NXN: variants seen among roughly 807,000 people sequenced by gnomAD.
The protein encoded by NXN is nucleoredoxin, also known as nucleoredoxin 1.
Under a neutral mutation model 48.6 loss-of-function variants are expected in NXN, and 16 were observed. The observed-to-expected ratio is 0.33, with a 90% CI of 0.22 to 0.50. NXN has a LOEUF of 0.50. NXN is among the 20% of genes least tolerant of loss of function. NXN has a pLI of 0.98. For missense variants in NXN, 492 were observed against 605.5 expected (o/e 0.81, Z 1.97); for synonymous variants, 281 against 269.6 (o/e 1.04, Z -0.41).
chr17:962,824 C>G (rs1424086186), intron 1 of NXN, among the ~76,000 whole-genome samples: 4 of 152,168 alleles, frequency 2.6e-5, no homozygotes, highest in African/African-American at 9.7e-5. Context: ...CTCAGCTTAT[C>G]CAAACGGCAG....
intron 1 of NXN, among the ~76,000 whole-genome samples, chr17:965,609 C>T (rs1290524591): frequency 1.3e-5 from 2 of 152,162 alleles, no homozygotes; most frequent in East Asian, 3.9e-4. Context: ...AACTGACTAA[C>T]AGACTCCTCC....
intron 1 of NXN, chr17:863,812 T>C (rs952361978): frequency 2.7e-6 from 2 of 734,842 alleles, no homozygotes; most frequent in South Asian, 1.8e-5. Flanking sequence ...CACATACAAA[T>C]GGACCCTTGC....
chr17:971,746 C>T (rs951821485), intron 1 of NXN, among the ~76,000 whole-genome samples: 1 of 152,076 alleles, frequency 6.6e-6, no homozygotes, highest in African/African-American at 2.4e-5. Flanking sequence ...ACAAAGATTC[C>T]AAATTCATAG....
In NXN at chr17:972,834, A is replaced by G. The variant is rs144312724; in HGVS notation, c.360+6485T>C. On this transcript the variant is annotated intron_variant, in intron 1 of 7. Coordinates refer to ENST00000336868, the MANE Select transcript of NXN (RefSeq NM_022463.5). Reference sequence around the variant, plus strand: ...ATCACGAGGTCAGGAGATCGAGACCATCATGGCTAACACGGTGAAACCCCG... The same window carrying G: ...ATCACGAGGTCAGGAGATCGAGACCGTCATGGCTAACACGGTGAAACCCCG... Among the ~76,000 whole-genome samples, 509 of 152,276 alleles carry G rather than the reference A, an allele frequency of 3.3e-3. 3 individuals carry two copies. The highest frequency in any genetic ancestry group is 0.012 in the African/African-American group (483 of 41,570).
intron 1 of NXN, among the ~76,000 whole-genome samples, chr17:974,109 G>A (rs1158491426): frequency 1.3e-5 from 2 of 151,734 alleles, no homozygotes; most frequent in African/African-American, 4.8e-5. Flanking sequence ...CAGCACTTTG[G>A]GAGGCTGAGC....
chr17:927,580 C>CAAAAAAAAAA (rs71371593), intron 1 of NXN, among the ~76,000 whole-genome samples: 1 of 117,630 alleles, frequency 8.5e-6, no homozygotes, highest in South Asian at 2.9e-4. Flanking sequence ...AACCTTGTCT[C>CAAAAAAAAAA]AAAAAAAAAA....
At chr17:805,020 T>TCCCCCCC in intron 6 of NXN, 48 bp downstream of exon 6, 1 of 1,512,884 alleles carries the variant, frequency 6.6e-7, no homozygotes, top group African/African-American at 1.4e-5. Context: ...GCCCCTCCTG[T>TCCCCCCC]CCCGCCCCCC....
intron 1 of NXN, among the ~76,000 whole-genome samples, chr17:838,126 C>CTTTTTTTTTTT (rs66721481): frequency 1.4e-4 from 14 of 99,188 alleles, no homozygotes; most frequent in Admixed American, 2.5e-4. Context: ...TCCTTTCCTT[C>CTTTTTTTTTTT]TTTTTTTTTT....
chr17:907,018 C>T (rs1237867897), intron 1 of NXN, among the ~76,000 whole-genome samples: 1 of 150,128 alleles, frequency 6.7e-6, no homozygotes, highest in African/African-American at 2.4e-5. Context: ...CCCAGAGGCA[C>T]AAAAACAGCG....
Position 849,596 on chromosome 17 carries a change from C to T in NXN, c.361-23518G>A, listed in dbSNP as rs997836739. Reference sequence around the variant, plus strand: ...AGGGCACCGCACTGGCCCTCTCAGCCTCAGGGGCCGCTGGACTCCCTCTTC... The same window carrying T: ...AGGGCACCGCACTGGCCCTCTCAGCTTCAGGGGCCGCTGGACTCCCTCTTC... On this transcript the variant is annotated intron_variant, in intron 1 of 7. Coordinates refer to ENST00000336868, the MANE Select transcript of NXN (RefSeq NM_022463.5). This position sits in a 1 kb window ranked among gnomAD's most constrained non-coding sequence, Gnocchi z 4.2. Among the ~76,000 whole-genome samples, 1 of 152,178 alleles carries T rather than the reference C, an allele frequency of 6.6e-6. No homozygotes were observed.
rs967998387 is a variant in NXN, at chr17:919,161, G to A, written c.360+60158C>T. Among the ~76,000 whole-genome samples, 2 of 152,012 alleles carry A rather than the reference G, an allele frequency of 1.3e-5. No homozygotes were observed. The highest frequency in any genetic ancestry group is 2.9e-5 in the Non-Finnish European group (2 of 67,994). ...GGGTGGATCACGAGGTCAGGAGATC[G>A]AGACCATCCTGGCTAACATGGTGAA... On this transcript the variant is annotated intron_variant, in intron 1 of 7. Transcript: ENST00000336868. This position sits in a 1 kb window ranked among gnomAD's most constrained non-coding sequence, Gnocchi z 5.1.
chr17:812,530 T>TC (rs1912130616), intron 5 of NXN, among the ~76,000 whole-genome samples: 1 of 152,086 alleles, frequency 6.6e-6, no homozygotes, highest in South Asian at 2.1e-4. Flanking sequence ...GACCAGACAC[T>TC]CCAACAGCCA....
Position 979,448 on chromosome 17 carries a change from C to G in NXN, c.231G>C (p.Ala77=), listed in dbSNP as rs1260421716. The part of the protein sequence containing the change: ...GPGPGAGAGA[A]AEPEPRRRLE... ...GGCGCCGCCGCGGCTCGGGCTCCGC[C>G]GCCGCCCCGGCCCCCGCTCCCGGCC... Residue 77 remains alanine (A), a synonymous_variant, in exon 1 of 8, where the codon GCG becomes GCC. Transcript: ENST00000336868. The G allele has an allele frequency of 8.0e-7, 1 of 1,249,412 alleles. No individual in the cohort carries two copies. The highest frequency in any genetic ancestry group is 1.0e-6 in the Non-Finnish European group (1 of 987,032). The allele number at this position is 1,249,412 out of a possible 1,614,324, so 77.4% of individuals were successfully genotyped here. A position where few individuals can be genotyped will look rare whatever the true frequency, so the allele number is the denominator to read the frequency against.
At chr17:834,190 G>A (rs1272047748) in intron 1 of NXN, among the ~76,000 whole-genome samples, 1 of 152,152 alleles carries the variant, frequency 6.6e-6, no homozygotes, top group Non-Finnish European at 1.5e-5. Flanking sequence ...AGGCGTGGTG[G>A]CCACTCCTGT....
chr17:926,279 C>T (rs367711481), intron 1 of NXN, among the ~76,000 whole-genome samples: 8 of 152,252 alleles, frequency 5.3e-5, no homozygotes, highest in African/African-American at 1.2e-4. Context: ...CTCAACCTCC[C>T]GGGCTCAAGC....
At chr17:959,029 G>C (rs547286066) in intron 1 of NXN, 59 of 258,840 alleles carry the variant, frequency 2.3e-4, no homozygotes, top group Non-Finnish European at 3.9e-4. Flanking sequence ...CGGAGCCGAG[G>C]GACCATGGTG....
At chr17:868,934 T>C (rs562671684) in intron 1 of NXN, among the ~76,000 whole-genome samples, 31 of 152,230 alleles carry the variant, frequency 2.0e-4, no homozygotes, top group Admixed American at 1.2e-3. Context: ...ACCTCGGAAA[T>C]CCCTGCAGCC....
chr17:921,143 C>T (rs190926671), intron 1 of NXN, among the ~76,000 whole-genome samples: 62 of 152,300 alleles, frequency 4.1e-4, no homozygotes, highest in Non-Finnish European at 7.9e-4. Flanking sequence ...GGCGTTCAGC[C>T]ACCCTCAGAG....
At chr17:801,309 GGCT>G (rs1340863800) in intron 7 of NXN, among the ~76,000 whole-genome samples, 178 bp from the exon 8 acceptor site, 1 of 152,116 alleles carries the variant, frequency 6.6e-6, no homozygotes, top group Non-Finnish European at 1.5e-5. Context: ...CGGAGGAAGG[GGCT>G]GCTTTGTAAA....
Sources: allele counts gnomAD v4.1 joint callset (sites outside exome capture counted in the v4.1 genomes callset), GRCh38; gene constraint gnomAD v4.1.1; non-coding constraint Gnocchi (gnomAD v3.1); transcripts MANE v1.5; gene names NCBI Gene and HGNC (gene_info 2026-07-23, HGNC 2026-07-21).